Variants in SAMMSON observed in about 807,000 individuals in gnomAD.
The protein encoded by SAMMSON is long intergenic non-protein coding RNA 1212.
At chr3:70,199,404 C>T (rs116298882) in intron 4 of SAMMSON, among the ~76,000 whole-genome samples, 3,044 of 152,104 alleles carry the variant, frequency 0.02, 104 homozygotes, top group African/African-American at 0.068. Context: ...TTGGCTTAAT[C>T]CTTTGGCCAA....
intron 4 of SAMMSON, among the ~76,000 whole-genome samples, chr3:70,078,964 T>G (rs1157898169): frequency 6.6e-6 from 1 of 152,218 alleles, no homozygotes; most frequent in Non-Finnish European, 1.5e-5. Flanking sequence ...CCACTGCCTG[T>G]TTTTGTAAAT....
chr3:70,352,108 G>A (rs1376851788), intron 7 of SAMMSON, among the ~76,000 whole-genome samples: 1 of 73,998 alleles, frequency 1.4e-5, no homozygotes, highest in Non-Finnish European at 3.2e-5. Flanking sequence ...TTCTCAATCT[G>A]GCAAAAAAAA....
At chr3:70,166,669 C>T (rs540338748) in intron 4 of SAMMSON, among the ~76,000 whole-genome samples, 2 of 151,952 alleles carry the variant, frequency 1.3e-5, no homozygotes, top group South Asian at 4.2e-4. Flanking sequence ...TGTTTATAAC[C>T]CCACAGGCCT....
chr3:70,154,925 G>A (rs971947936), intron 4 of SAMMSON, among the ~76,000 whole-genome samples: 4 of 151,948 alleles, frequency 2.6e-5, no homozygotes, highest in African/African-American at 7.2e-5. Context: ...AAAGGGTAGG[G>A]GTTCATGACA....
At chr3:70,384,386 A>G (rs1054830184) in intron 9 of SAMMSON, among the ~76,000 whole-genome samples, 32 of 152,172 alleles carry the variant, frequency 2.1e-4, no homozygotes, top group African/African-American at 7.2e-4. Context: ...ATTTATTATA[A>G]TATAGAACAC....
chr3:70,307,636 C>T (rs773998876), intron 7 of SAMMSON, among the ~76,000 whole-genome samples: 8 of 152,110 alleles, frequency 5.3e-5, no homozygotes, highest in Admixed American at 2.0e-4. Flanking sequence ...CTAAATGTAG[C>T]TGTGTGTATT....
rs563236001 is a variant in SAMMSON at position 70,297,593 on chromosome 3, T to C, written n.739+6350T>C. Among the ~76,000 whole-genome samples, 20 of 152,258 alleles carry C rather than the reference T, an allele frequency of 1.3e-4. No individual in the cohort carries two copies. The South Asian group carries it at 4.1e-3, about 32-fold the overall frequency. On this transcript the variant is annotated intron_variant and non_coding_transcript_variant, in intron 7 of 9. Coordinates refer to ENST00000642114, the Ensembl canonical transcript of SAMMSON. Reference sequence around the variant, plus strand: ...TGTATATTTGTGTTATCGGAATTCTTTGAAATGAAATGCATTAAATTCTTC... The same window carrying C: ...TGTATATTTGTGTTATCGGAATTCTCTGAAATGAAATGCATTAAATTCTTC...
intron 3 of SAMMSON, chr3:70,030,588 A>G (rs1196642642): frequency 6.6e-6 from 1 of 152,218 alleles, no homozygotes; most frequent in Non-Finnish European, 1.5e-5. Context: ...TTTTCAAATA[A>G]GGAAACTGAG....
chr3:70,330,810 C>A (rs1702616827), intron 7 of SAMMSON, among the ~76,000 whole-genome samples: 1 of 151,898 alleles, frequency 6.6e-6, no homozygotes, highest in African/African-American at 2.4e-5. Flanking sequence ...TGAATCCGAA[C>A]AAATCATTTA....
intron 7 of SAMMSON, among the ~76,000 whole-genome samples, chr3:70,326,230 A>G (rs1268139549): frequency 6.6e-6 from 1 of 151,492 alleles, no homozygotes; most frequent in African/African-American, 2.4e-5. Context: ...ACAATTGCAA[A>G]TTGGTGCAGA....
Position 70,189,071 on chromosome 3 carries a change from C to G in SAMMSON, n.508-60036C>G, listed in dbSNP as rs190373114. On this transcript the variant is annotated intron_variant and non_coding_transcript_variant, in intron 4 of 9. Transcript: ENST00000642114. ...TGAGTGCCTAAGTAATATACCGCCC[C>G]CAGCACAAAGAAGTATAATCCTTCT... is the stretch of plus-strand genomic sequence containing the variant. Among the ~76,000 whole-genome samples the G allele has an allele frequency of 2.6e-5, 4 of 152,098 alleles. 1 individual carries two copies. The highest frequency in any genetic ancestry group is 5.9e-5 in the Non-Finnish European group (4 of 68,028).
At chr3:70,208,201 G>A (rs1576155430) in intron 4 of SAMMSON, among the ~76,000 whole-genome samples, 1 of 152,062 alleles carries the variant, frequency 6.6e-6, no homozygotes, top group African/African-American at 2.4e-5. Flanking sequence ...GCACAACTGG[G>A]ACGTGGTCAA....
chr3:70,146,638 A>G (rs1181274646), intron 4 of SAMMSON, among the ~76,000 whole-genome samples: 4 of 152,082 alleles, frequency 2.6e-5, no homozygotes, highest in African/African-American at 2.4e-5. Context: ...CTCCCAGCAA[A>G]CTAGAAATGT....
chr3:70,079,793 C>G (rs577899989), intron 4 of SAMMSON, among the ~76,000 whole-genome samples: 40 of 152,264 alleles, frequency 2.6e-4, no homozygotes, highest in African/African-American at 9.1e-4. Flanking sequence ...CTAGATTCTT[C>G]TTTTTCCAAA....
At chr3:70,301,065 A>G (rs1463650912) in intron 7 of SAMMSON, among the ~76,000 whole-genome samples, 1 of 152,126 alleles carries the variant, frequency 6.6e-6, no homozygotes, top group African/African-American at 2.4e-5. Context: ...TCATTTAAAA[A>G]AGACGATGTT....
chr3:70,173,121 T>C (rs1308492088), intron 4 of SAMMSON, among the ~76,000 whole-genome samples: 1 of 151,952 alleles, frequency 6.6e-6, no homozygotes, highest in Non-Finnish European at 1.5e-5. Flanking sequence ...ACTACATTTT[T>C]CTTCTTGGAT....
chr3:70,199,197 T>C lies in SAMMSON; in HGVS notation n.508-49910T>C, dbSNP rs1172841758. On this transcript the variant is annotated intron_variant and non_coding_transcript_variant, in intron 4 of 9. Transcript: ENST00000642114. ...GAGTTAAGTAGGGTGGGAATGCAGG[T>C]GACCTTAAGGATTGGAGCTGGTGTT... 1.3e-5 allele frequency among the ~76,000 whole-genome samples: 2 copies of C among 152,176 alleles called. 1 individual carries two copies. The highest frequency in any genetic ancestry group is 6.3e-3 in the Middle Eastern group (2 of 316).
chr3:70,392,748 G>A (rs191010131), downstream of SAMMSON, among the ~76,000 whole-genome samples: 195 of 152,134 alleles, frequency 1.3e-3, 3 homozygotes, highest in South Asian at 2.9e-3. Context: ...ATATTGACCC[G>A]CCAGGGTTGT....
chr3:70,245,750 T>C (rs1030117581), intron 4 of SAMMSON, among the ~76,000 whole-genome samples: 2 of 143,572 alleles, frequency 1.4e-5, no homozygotes, highest in African/African-American at 2.5e-5. Flanking sequence ...CCCTGAGTTA[T>C]GTAATTGCTA....
Sources: gnomAD v4.1 joint callset for allele counts (sites outside exome capture counted in the v4.1 genomes callset) on GRCh38, gnomAD v4.1.1 for gene constraint, MANE v1.5 for transcripts, NCBI Gene and HGNC (gene_info 2026-07-23, HGNC 2026-07-21) for gene names.